Variants in RIMS2 observed in about 807,000 individuals in gnomAD.
RIMS2 encodes regulating synaptic membrane exocytosis protein 2.
RIMS2 carries 59 observed loss-of-function variants against 174.4 expected under a neutral mutation model. That is an observed-to-expected ratio of 0.34 (90% confidence interval 0.27 to 0.42). The LOEUF is 0.42. Ranked by LOEUF, RIMS2 falls within the 10% of genes least tolerant of loss-of-function variation. The probability of loss-of-function intolerance (pLI) is 1.00; values close to 1 mark genes in which losing one functional copy is unlikely to be tolerated. For synonymous variants in RIMS2, 606 were observed against 572.5 expected (o/e 1.06, Z -0.84); for missense variants, 1,620 against 1,666.3 (o/e 0.97, Z 0.48).
chr8:103,627,442 C>G (rs1820444), intron 1 of RIMS2, among the ~76,000 whole-genome samples: 57,314 of 151,998 alleles, frequency 0.38, 11,153 homozygotes, highest in African/African-American at 0.4. Context: ...AGTTTATGAA[C>G]ATAACGTGAT....
intron 1 of RIMS2, among the ~76,000 whole-genome samples, chr8:103,511,263 G>A (rs1201642563): frequency 6.6e-6 from 1 of 152,036 alleles, no homozygotes; most frequent in Non-Finnish European, 1.5e-5. Flanking sequence ...GTTAATAATT[G>A]TATTTATTTT....
intron 19 of RIMS2, among the ~76,000 whole-genome samples, chr8:104,205,789 T>C (rs1349384146): frequency 6.6e-6 from 1 of 151,562 alleles, no homozygotes; most frequent in Non-Finnish European, 1.5e-5. Context: ...GAAGTCTCGC[T>C]GTGTCACCAG....
At chr8:103,590,226 A>C (rs2094183892) in intron 1 of RIMS2, among the ~76,000 whole-genome samples, 1 of 151,426 alleles carries the variant, frequency 6.6e-6, no homozygotes, top group South Asian at 2.1e-4. Flanking sequence ...TATCCACAAA[A>C]ATTAAAAACA....
intron 19 of RIMS2, among the ~76,000 whole-genome samples, chr8:104,203,599 G>A (rs886936036): frequency 1.4e-5 from 2 of 147,452 alleles, no homozygotes; most frequent in Non-Finnish European, 3.0e-5. Context: ...CGCCTCTTGG[G>A]TTCAAGCGAT....
intron 3 of RIMS2, among the ~76,000 whole-genome samples, chr8:103,782,256 A>G (rs1405872981): frequency 6.6e-6 from 1 of 151,530 alleles, no homozygotes; most frequent in Non-Finnish European, 1.5e-5. Context: ...GTATTTCCTT[A>G]TCTTTCTTTT....
At chr8:103,545,513 G>A (rs983330628) in intron 1 of RIMS2, among the ~76,000 whole-genome samples, 2 of 152,120 alleles carry the variant, frequency 1.3e-5, no homozygotes, top group Non-Finnish European at 2.9e-5. Context: ...TGACATCCAG[G>A]AAATGTAGAG....
chr8:103,857,415 T>TA (rs1299633093), intron 3 of RIMS2, among the ~76,000 whole-genome samples: 1 of 152,144 alleles, frequency 6.6e-6, no homozygotes, highest in Non-Finnish European at 1.5e-5. Flanking sequence ...ATATATATTA[T>TA]AAAAAACTGT....
chr8:103,960,093 T>C (rs917948467), intron 14 of RIMS2, among the ~76,000 whole-genome samples: 4 of 152,054 alleles, frequency 2.6e-5, no homozygotes, highest in Admixed American at 6.5e-5. Context: ...ATCGACAAAA[T>C]TGATAGACCG....
At chr8:103,693,383 G>A (rs1372012313) in intron 1 of RIMS2, among the ~76,000 whole-genome samples, 1 of 152,140 alleles carries the variant, frequency 6.6e-6, no homozygotes, top group Non-Finnish European at 1.5e-5. Flanking sequence ...TTATGACCGT[G>A]CTTTTTTATG....
exon 14 of RIMS2, chr8:103,942,907 C>A: frequency 6.2e-7 from 1 of 1,608,660 alleles, no homozygotes; most frequent in Non-Finnish European, 8.5e-7. Context: ...ATGGAGAGAG[C>A]CCAACACGGA....
chr8:103,630,903 C>G (rs148275899), intron 1 of RIMS2, among the ~76,000 whole-genome samples: 5 of 152,228 alleles, frequency 3.3e-5, no homozygotes, highest in Admixed American at 6.5e-5. Context: ...TGCTTGTTGG[C>G]TGCACATATG....
intron 3 of RIMS2, among the ~76,000 whole-genome samples, chr8:103,797,119 T>C (rs2098555293): frequency 6.6e-6 from 1 of 152,146 alleles, no homozygotes; most frequent in Admixed American, 6.6e-5. Flanking sequence ...GGCAGAGAAA[T>C]AGCAAGTGCC....
intron 4 of RIMS2, among the ~76,000 whole-genome samples, chr8:103,887,179 T>C (rs966150671): frequency 4.6e-5 from 7 of 151,808 alleles, no homozygotes; most frequent in Non-Finnish European, 7.4e-5. Flanking sequence ...GAATGTTTTA[T>C]ATGTTTATCT....
Position 103,696,340 on chromosome 8 carries a change from A to C in RIMS2, c.177-746A>C, listed in dbSNP as rs939015271. 2.6e-5 allele frequency among the ~76,000 whole-genome samples: 4 copies of C among 151,908 alleles called. No individual in the cohort carries two copies. The East Asian group carries it at 7.7e-4, about 29-fold the overall frequency. ...TTCTCTCTTTGGATTCTTTTTAATC[A>C]CTCTGATTGAGACTGTGTCTCAGTG... On this transcript the variant is annotated intron_variant, in intron 1 of 23. Coordinates refer to ENST00000504942, the Ensembl canonical transcript of RIMS2.
intron 2 of RIMS2, among the ~76,000 whole-genome samples, chr8:103,702,695 T>G (rs2097179612): frequency 6.6e-6 from 1 of 152,152 alleles, no homozygotes; most frequent in Non-Finnish European, 1.5e-5. Context: ...CTTGGTGCCT[T>G]TGTTGAACAT....
chr8:104,100,834 A>ATAATATATATGTATTATATATG (rs2097859319), intron 19 of RIMS2, among the ~76,000 whole-genome samples: 1 of 140,944 alleles, frequency 7.1e-6, no homozygotes, highest in South Asian at 2.1e-4. Flanking sequence ...TATGTAATAT[A>ATAATATATATGTATTATATATG]TAATATATAT....
rs577104342 is a variant in RIMS2 at position 103,830,585 on chromosome 8, TG to T, written c.699-54712del. 2.0e-4 allele frequency among the ~76,000 whole-genome samples: 30 copies of T among 152,328 alleles called. No homozygotes were observed. The East Asian group carries it at 5.2e-3, about 26-fold the overall frequency. On this transcript the variant is annotated intron_variant, in intron 3 of 23. Transcript: ENST00000504942. Reference sequence around the variant, plus strand: ...TTGAAAGGAATGTGTATTCTGTACTTGCTGGATGTTGTGGTCTATAAATGTC... The same window carrying T: ...TTGAAAGGAATGTGTATTCTGTACTTCTGGATGTTGTGGTCTATAAATGTC...
At chr8:103,604,771 G>A (rs1266494668) in intron 1 of RIMS2, among the ~76,000 whole-genome samples, 2 of 118,316 alleles carry the variant, frequency 1.7e-5, no homozygotes, top group African/African-American at 7.2e-5. Context: ...AGTGTGAATG[G>A]GAGTTCACTC....
intron 1 of RIMS2, among the ~76,000 whole-genome samples, chr8:103,591,603 T>G (rs1033445788): frequency 3.3e-5 from 5 of 151,404 alleles, no homozygotes; most frequent in Non-Finnish European, 5.9e-5. Flanking sequence ...AAGTGAGGGT[T>G]GACATTCCTT....
Sources: allele counts gnomAD v4.1 joint callset (sites outside exome capture counted in the v4.1 genomes callset), GRCh38; gene constraint gnomAD v4.1.1; transcripts MANE v1.5; gene names NCBI Gene and HGNC (gene_info 2026-07-23, HGNC 2026-07-21).